Variants in PCNT observed in about 807,000 individuals in gnomAD.
PCNT encodes the protein kendrin.
PCNT carries 319 observed loss-of-function variants against 380.4 expected under a neutral mutation model. The observed-to-expected ratio is 0.84, with a 90% CI of 0.77 to 0.92. The LOEUF is 0.92. Among genes scored for constraint, PCNT ranks in the 40% least tolerant of loss-of-function variants. The pLI is 0.00. For synonymous variants in PCNT, 1,845 were observed against 1,735.2 expected (o/e 1.06, Z -1.57); for missense variants, 4,400 against 4,255.3 (o/e 1.03, Z -0.95).
At chr21:46,442,796 C>A in intron 44 of PCNT, 2 of 595,068 alleles carry the variant, frequency 3.4e-6, no homozygotes, top group Admixed American at 2.9e-5. Context: ...GGGCGTACGG[C>A]GATGGGAAAC....
At chr21:46,421,419 C>T (rs2087244828) in intron 31 of PCNT, among the ~76,000 whole-genome samples, 1 of 151,574 alleles carries the variant, frequency 6.6e-6, no homozygotes, top group African/African-American at 2.4e-5. Flanking sequence ...TGGGCTGGCG[C>T]AGCTGCAGGT....
intron 38 of PCNT, among the ~76,000 whole-genome samples, chr21:46,432,982 T>C (rs1157321767): frequency 6.6e-6 from 1 of 152,180 alleles, no homozygotes. Context: ...AATATAAGTT[T>C]TATACTTTTG....
chr21:46,334,856 A>G (rs1029918697), intron 3 of PCNT, 88 bp downstream of exon 3: 3 of 1,588,404 alleles, frequency 1.9e-6, no homozygotes, highest in Non-Finnish European at 2.6e-6. Context: ...AGGACCTTCC[A>G]TCTCTGCAGG....
At chr21:46,325,100 T>C (rs970813602) in intron 1 of PCNT, 18 of 985,366 alleles carry the variant, frequency 1.8e-5, no homozygotes, top group Non-Finnish European at 2.0e-5. Context: ...TGATGGCCAC[T>C]GTCCTAGGTT....
intron 27 of PCNT, among the ~76,000 whole-genome samples, chr21:46,405,910 T>C (rs2086607873): frequency 6.6e-6 from 1 of 152,232 alleles, no homozygotes; most frequent in Non-Finnish European, 1.5e-5. Flanking sequence ...GGATTTTTCT[T>C]ACAGATATGT....
Position 46,386,029 on chromosome 21 carries a change from C to T in PCNT, c.3464+46C>T, listed in dbSNP as rs773514085. The T allele has an allele frequency of 3.7e-6, 6 of 1,609,660 alleles. No individual in the cohort carries two copies. In the East Asian group the frequency reaches 1.3e-4, roughly 36 times the overall value. On this transcript the variant is annotated intron_variant, in intron 17 of 46. Coordinates refer to ENST00000359568, the MANE Select transcript of PCNT (RefSeq NM_006031.6). ...GAGGCTGCCTTGTGGCCGCCAGCACCCGCTGGGTCATGCAGATGCCATTGG... is the reference window on the plus strand; with the variant it reads ...GAGGCTGCCTTGTGGCCGCCAGCACTCGCTGGGTCATGCAGATGCCATTGG...
In PCNT at chr21:46,412,940, A is replaced by C; in HGVS notation, c.6098A>C (p.Glu2033Ala). 1 of 1,611,768 alleles carries C rather than the reference A, an allele frequency of 6.2e-7. No individual in the cohort carries two copies. The highest frequency in any genetic ancestry group is 8.5e-7 in the Non-Finnish European group (1 of 1,179,972). ...LTVCQRQLQS[E>A]LLLVKNEMRL... ...GTCTGCCAGAGGCAGCTGCAGTCGGAGCTGCTCTTGGTGAAAAATGAAATG... is the reference window on the plus strand; with the variant it reads ...GTCTGCCAGAGGCAGCTGCAGTCGGCGCTGCTCTTGGTGAAAAATGAAATG... Residue 2033 changes from glutamate (E) to alanine (A), a missense_variant, in exon 29 of 47, where the codon GAG (glutamate) becomes GCG (alanine). Physicochemically the swap from Glu to Ala is moderately radical, Grantham distance 107 (BLOSUM62 -1). Transcript: ENST00000359568.
intron 41 of PCNT, among the ~76,000 whole-genome samples, chr21:46,438,864 G>A (rs1441722633): frequency 6.6e-6 from 1 of 151,670 alleles, no homozygotes; most frequent in Non-Finnish European, 1.5e-5. Flanking sequence ...GTAGAGATGG[G>A]GTTTTGCCAT....
chr21:46,430,211 AGCAG>A lies in PCNT; in HGVS notation c.7894_7897del (p.Gln2632ArgfsTer5), dbSNP rs775994184. On this transcript the variant is annotated frameshift_variant, in exon 36 of 47. Coordinates refer to ENST00000359568, the MANE Select transcript of PCNT (RefSeq NM_006031.6). LOFTEE classifies it high-confidence loss of function. ...CTGTCCCGGTCCCTCTGCGAGGTGCAGCAGGAGGTCCTCCAGCTGAGGTGCGCCT... is the reference window on the plus strand; with the variant it reads ...CTGTCCCGGTCCCTCTGCGAGGTGCAGAGGTCCTCCAGCTGAGGTGCGCCT... 6.2e-7 allele frequency: 1 copy of A among 1,613,686 alleles called. No homozygotes were observed. The highest frequency in any genetic ancestry group is 1.1e-5 in the South Asian group (1 of 91,066).
At chr21:46,389,775 G>A (rs76371789) in intron 19 of PCNT, among the ~76,000 whole-genome samples, 5,291 of 152,300 alleles carry the variant, frequency 0.035, 135 homozygotes, top group Middle Eastern at 0.082. Context: ...AGGAATACAC[G>A]GAAAGCAATC....
chr21:46,353,190 G>A lies in PCNT; in HGVS notation c.1543G>A (p.Glu515Lys), dbSNP rs778300460. 4 of 1,614,008 alleles carry A rather than the reference G, an allele frequency of 2.5e-6. No individual in the cohort carries two copies. The highest frequency in any genetic ancestry group is 2.2e-5 in the East Asian group (1 of 44,900). Residue 515 changes from glutamate to lysine, a missense_variant, in exon 10 of 47, where the codon GAA becomes AAA. Transcript: ENST00000359568. ...KQREKTQHES[E>K]LEQLRIYFEK... ...GCGAGAAAAAACCCAGCATGAGTCCGAACTGGAGCAACTGAGGATTTATTT... is the reference window on the plus strand; with the variant it reads ...GCGAGAAAAAACCCAGCATGAGTCCAAACTGGAGCAACTGAGGATTTATTT...
intron 33 of PCNT, 143 bp downstream of exon 33, chr21:46,426,114 A>G (rs530429165): frequency 1.4e-6 from 1 of 731,278 alleles, no homozygotes; most frequent in East Asian, 2.8e-5. Context: ...GGCTCACTGC[A>G]ACCTCCACCA....
At position 46,444,662 on chromosome 21, in the gene PCNT, T is replaced by C. The variant is rs1441146555; in HGVS notation, c.9840-32T>C. 3.3e-4 allele frequency: 502 copies of C among 1,525,146 alleles called. 1 individual carries two copies. Among genetic ancestry groups the C allele is most frequent in the African/African-American group, 1.9e-3 (124 of 66,604 alleles). 94.5% of individuals were successfully genotyped at this position (1,525,146 alleles called of 1,614,324 possible). A position where few individuals can be genotyped will look rare whatever the true frequency, so the allele number is the denominator to read the frequency against. On this transcript the variant is annotated intron_variant, in intron 45 of 46. Transcript: ENST00000359568. ...AAACTCAACTCTTTTTTTTTTTTTTTTTCTTCTCTTGGTGTGGTAATTTGT... is the reference window on the plus strand; with the variant it reads ...AAACTCAACTCTTTTTTTTTTTTTTCTTCTTCTCTTGGTGTGGTAATTTGT...
chr21:46,364,274 G>A (rs1303473658), intron 14 of PCNT, among the ~76,000 whole-genome samples: 15 of 151,072 alleles, frequency 9.9e-5, no homozygotes, highest in Admixed American at 8.5e-4. Context: ...TTGCTGTCCC[G>A]AAGCCCCCAG....
chr21:46,436,183 C>T (rs1366763798), intron 39 of PCNT, 35 bp downstream of exon 39: 2 of 1,599,968 alleles, frequency 1.3e-6, no homozygotes, highest in Non-Finnish European at 8.5e-7. Context: ...TCACTGGTCC[C>T]TTGCAGCCAC....
At chr21:46,363,229 G>A (rs1349442216) in intron 13 of PCNT, among the ~76,000 whole-genome samples, 4 of 152,248 alleles carry the variant, frequency 2.6e-5, no homozygotes, top group East Asian at 1.9e-4. Flanking sequence ...TCAAGGCCAC[G>A]GGCTCCAGAG....
intron 44 of PCNT, 95 bp from the exon 45 acceptor site, chr21:46,443,715 A>C: frequency 8.2e-7 from 1 of 1,222,228 alleles, no homozygotes; most frequent in East Asian, 2.3e-5. Flanking sequence ...AGGCTCTTAA[A>C]AGCTTATACG....
Position 46,432,057 on chromosome 21 carries a change from A to C in PCNT, c.8593A>C (p.Arg2865=). The C allele has an allele frequency of 6.2e-7, 1 of 1,614,002 alleles. No homozygotes were observed. Among genetic ancestry groups the C allele is most frequent in the Non-Finnish European group, 8.5e-7 (1 of 1,180,022 alleles). Residue 2865 remains arginine, a synonymous_variant, in exon 38 of 47, where the codon AGG becomes CGG. Transcript: ENST00000359568. ...GCTGAGATGCTCTCTGGAGAGAGAG[A>C]GGGAGAAACCAGCGTGGTTGCAGGC... ...RELRCSLERE[R]EKPAWLQAEL...
chr21:46,407,761 TTTCTC>T (rs2086662270), intron 27 of PCNT, among the ~76,000 whole-genome samples: 1 of 152,210 alleles, frequency 6.6e-6, no homozygotes, highest in Non-Finnish European at 1.5e-5. Flanking sequence ...GAGTTCGTGT[TTTCTC>T]TTTTATTCTT....
Sources: gnomAD v4.1 joint callset for allele counts (sites outside exome capture counted in the v4.1 genomes callset) on GRCh38, gnomAD v4.1.1 for gene constraint, MANE v1.5 for transcripts, NCBI Gene and HGNC (gene_info 2026-07-23, HGNC 2026-07-21) for gene names.